Variants in KIAA1328 observed in about 807,000 individuals in gnomAD.
The protein encoded by KIAA1328 is KIAA1328, also known as protein hinderin.
KIAA1328 carries 52 observed loss-of-function variants against 68.1 expected under a neutral mutation model. The observed-to-expected ratio is 0.76, with a 90% CI of 0.61 to 0.96. The LOEUF (loss-of-function observed/expected upper bound fraction) is 0.96, where lower values mean the gene tolerates loss of function less well. Among genes scored for constraint, KIAA1328 ranks in the 40% least tolerant of loss-of-function variants. KIAA1328 has a pLI of 0.00. For synonymous variants in KIAA1328, 232 were observed against 239.4 expected (o/e 0.97, Z 0.28); for missense variants, 641 against 677.6 (o/e 0.95, Z 0.60).
At chr18:36,968,003 T>C (rs2052014529) in intron 6 of KIAA1328, among the ~76,000 whole-genome samples, 1 of 152,100 alleles carries the variant, frequency 6.6e-6, no homozygotes, top group Non-Finnish European at 1.5e-5. Context: ...TTGGAAAACA[T>C]ATTTGGAAAA....
chr18:37,063,467 T>C (rs1034375239), intron 6 of KIAA1328: 1 of 181,166 alleles, frequency 5.5e-6, no homozygotes, highest in Admixed American at 6.5e-5. Flanking sequence ...ATGAAGTCTG[T>C]TTTGCCATAA....
intron 7 of KIAA1328, among the ~76,000 whole-genome samples, chr18:37,136,150 C>T (rs909655925): frequency 3.6e-4 from 55 of 152,260 alleles, no homozygotes; most frequent in African/African-American, 9.9e-4. Flanking sequence ...GAGATAGACA[C>T]GTAGGCTGGT....
chr18:37,196,051 A>AT (rs752476751), intron 9 of KIAA1328, among the ~76,000 whole-genome samples: 2 of 151,790 alleles, frequency 1.3e-5, no homozygotes, highest in African/African-American at 2.4e-5. Context: ...TTTTGTAGCT[A>AT]TTGTAAATGG....
intron 4 of KIAA1328, among the ~76,000 whole-genome samples, chr18:36,855,015 A>G (rs762355924): frequency 1.4e-4 from 21 of 152,196 alleles, no homozygotes; most frequent in Middle Eastern, 3.2e-3. Context: ...ATCAGATTCT[A>G]TTGTAAAGTT....
intron 6 of KIAA1328, among the ~76,000 whole-genome samples, chr18:37,007,969 A>C (rs1598957045): frequency 6.6e-6 from 1 of 152,198 alleles, no homozygotes; most frequent in East Asian, 1.9e-4. Context: ...TTTTGCCTTC[A>C]GTTGTGAAGG....
At chr18:37,129,346 G>A (rs543083128) in intron 7 of KIAA1328, among the ~76,000 whole-genome samples, 2 of 152,268 alleles carry the variant, frequency 1.3e-5, no homozygotes, top group South Asian at 2.1e-4. Flanking sequence ...TCCATCATTA[G>A]GAGAGTGACT....
chr18:36,855,455 G>A lies in KIAA1328; in HGVS notation c.332+11153G>A, dbSNP rs770708067. On this transcript the variant is annotated intron_variant, in intron 4 of 9. Coordinates refer to ENST00000280020, the MANE Select transcript of KIAA1328 (RefSeq NM_020776.3). ...TGTTGTCCATTTGTGAATCTCTCTT[G>A]TAGAAATATCTGTTCAAGTCCTTTC... is the stretch of plus-strand genomic sequence containing the variant. 2.0e-4 allele frequency among the ~76,000 whole-genome samples: 30 copies of A among 152,012 alleles called. 1 individual carries two copies. Among genetic ancestry groups the A allele is most frequent in the Admixed American group, 6.6e-5 (1 of 15,246 alleles).
At chr18:37,049,001 C>G (rs16968506) in intron 6 of KIAA1328, among the ~76,000 whole-genome samples, 23,546 of 152,056 alleles carry the variant, frequency 0.15, 1,961 homozygotes, top group African/African-American at 0.2. Flanking sequence ...TCCCCAAGTT[C>G]CATACAGTAT....
rs188641959 is a variant in KIAA1328, at chr18:37,044,143, T to C, written c.577-22747T>C. On this transcript the variant is annotated intron_variant, in intron 6 of 9. Transcript: ENST00000280020. Reference sequence around the variant, plus strand: ...TCTGTTTAGCATTCACTTTTTGAGGTTGGGGTTGAGGGAATTCCTAGACCA... The same window carrying C: ...TCTGTTTAGCATTCACTTTTTGAGGCTGGGGTTGAGGGAATTCCTAGACCA... 1.8e-3 allele frequency among the ~76,000 whole-genome samples: 277 copies of C among 152,300 alleles called. 1 individual carries two copies. The highest frequency in any genetic ancestry group is 3.4e-3 in the African/African-American group (142 of 41,556).
chr18:37,009,144 AG>A (rs1292398491), intron 6 of KIAA1328, among the ~76,000 whole-genome samples: 5 of 152,202 alleles, frequency 3.3e-5, no homozygotes, highest in African/African-American at 1.2e-4. Context: ...TTTAAAGAGT[AG>A]GAGATTGTCT....
chr18:36,862,025 T>C (rs2047579558), intron 4 of KIAA1328, among the ~76,000 whole-genome samples: 1 of 152,164 alleles, frequency 6.6e-6, no homozygotes, highest in African/African-American at 2.4e-5. Flanking sequence ...AATAAGATGT[T>C]ACTTTAAAAA....
chr18:37,134,784 G>C (rs577563467), intron 7 of KIAA1328, among the ~76,000 whole-genome samples: 1 of 152,164 alleles, frequency 6.6e-6, no homozygotes, highest in African/African-American at 2.4e-5. Context: ...CTGAGGTTTG[G>C]GGTACAAATG....
chr18:36,999,504 C>G (rs1310665171), intron 6 of KIAA1328, among the ~76,000 whole-genome samples: 5 of 152,094 alleles, frequency 3.3e-5, no homozygotes, highest in African/African-American at 1.2e-4. Context: ...TAGAGCAAAT[C>G]CTAAAAATAG....
intron 6 of KIAA1328, among the ~76,000 whole-genome samples, chr18:36,982,586 T>G (rs895405070): frequency 2.0e-5 from 3 of 151,868 alleles, no homozygotes; most frequent in African/African-American, 7.3e-5. Flanking sequence ...TTCAGACATA[T>G]AGAAGCAGAA....
At position 36,834,345 on chromosome 18, in the gene KIAA1328, A is replaced by C; in HGVS notation, c.84A>C (p.Val28=). 1.3e-6 allele frequency: 2 copies of C among 1,583,062 alleles called. No individual in the cohort carries two copies. Among genetic ancestry groups the C allele is most frequent in the Non-Finnish European group, 8.6e-7 (1 of 1,166,788 alleles). The change falls in exon 2 of 10, where the codon GTA becomes GTC. Residue 28 remains valine (V), a synonymous_variant. Coordinates refer to ENST00000280020, the MANE Select transcript of KIAA1328 (RefSeq NM_020776.3). ...RDFSDEEQSV[V]YVPGISAEGN... ...TTTCTGATGAAGAACAATCAGTAGTATACGTTCCAGGTATGATTTTCTATG... is the reference window on the plus strand; with the variant it reads ...TTTCTGATGAAGAACAATCAGTAGTCTACGTTCCAGGTATGATTTTCTATG...
chr18:36,971,660 C>T (rs571744953), intron 6 of KIAA1328, among the ~76,000 whole-genome samples: 25 of 152,098 alleles, frequency 1.6e-4, no homozygotes, highest in Admixed American at 1.4e-3. Flanking sequence ...AAATGTGGTA[C>T]TGTATACCAT....
rs150159626 is a variant in KIAA1328, at chr18:36,932,188, T to C, written c.449-27120T>C. On this transcript the variant is annotated intron_variant, in intron 5 of 9. Transcript: ENST00000280020. ...CCTCAGTGATCATAAACGTTTCCAG[T>C]AGTCCATCTTTCAAATGAAAAAGTT... Among the ~76,000 whole-genome samples, 1,366 of 152,360 alleles carry C rather than the reference T, an allele frequency of 9.0e-3. 15 individuals are homozygous for C. The highest frequency in any genetic ancestry group is 0.014 in the Non-Finnish European group (966 of 68,026).
chr18:37,045,673 CTGTT>C (rs1459299515), intron 6 of KIAA1328, among the ~76,000 whole-genome samples: 2 of 152,154 alleles, frequency 1.3e-5, no homozygotes, highest in Non-Finnish European at 2.9e-5. Context: ...TCAGATTCTC[CTGTT>C]TCTTTCAGAA....
chr18:36,989,214 A>G (rs55823421), intron 6 of KIAA1328, among the ~76,000 whole-genome samples: 16,165 of 152,230 alleles, frequency 0.11, 1,088 homozygotes, highest in Non-Finnish European at 0.13. Context: ...CTATTCACCA[A>G]AATTGGGTGC....
Sources: allele counts gnomAD v4.1 joint callset (sites outside exome capture counted in the v4.1 genomes callset), GRCh38; gene constraint gnomAD v4.1.1; transcripts MANE v1.5; gene names NCBI Gene and HGNC (gene_info 2026-07-23, HGNC 2026-07-21).